Variants in SSH2 observed in about 807,000 individuals in gnomAD.
The protein encoded by SSH2 is protein phosphatase Slingshot homolog 2.
A neutral mutation model predicts 135.2 loss-of-function variants in SSH2; 37 were observed. That is an observed-to-expected ratio of 0.27 (90% CI 0.21 to 0.36). The LOEUF (loss-of-function observed/expected upper bound fraction) is 0.36. Among genes scored for constraint, SSH2 ranks in the 10% least tolerant of loss-of-function variants. The probability of loss-of-function intolerance (pLI) is 1.00; values close to 1 mark genes in which losing one functional copy is unlikely to be tolerated. For synonymous variants in SSH2, 628 were observed against 646.2 expected (o/e 0.97, Z 0.43); for missense variants, 1,408 against 1,765.3 (o/e 0.80, Z 3.63).
Position 29,632,574 on chromosome 17 carries a change from C to G in SSH2, c.2620G>C (p.Glu874Gln). 3 of 1,614,178 alleles carry G rather than the reference C, an allele frequency of 1.9e-6. No individual in the cohort carries two copies. Among genetic ancestry groups the G allele is most frequent in the Non-Finnish European group, 2.5e-6 (3 of 1,180,036 alleles). ...ATCCCTGAGCCCTGGAGCTCTTGTTCCCCCTCAGCTGGTTCCCCTTCTTCC... is the reference window on the plus strand; with the variant it reads ...ATCCCTGAGCCCTGGAGCTCTTGTTGCCCCTCAGCTGGTTCCCCTTCTTCC... ...DLEEGEPAEG[E>Q]QELQGSGMHP... The change falls in exon 16 of 16, where the codon GAA (glutamate) becomes CAA (glutamine). Residue 874 changes from glutamate to glutamine, a missense_variant. Physicochemically the swap from Glu to Gln is conservative, Grantham distance 29. This residue lies in a region of SSH2 where 1,080 missense variants were observed against 1,144.5 expected (regional missense o/e 0.94). Coordinates refer to ENST00000540801, the MANE Select transcript of SSH2 (RefSeq NM_001282129.2).
chr17:29,740,184 A>G (rs2040508111), intron 3 of SSH2, among the ~76,000 whole-genome samples: 1 of 152,212 alleles, frequency 6.6e-6, no homozygotes, highest in African/African-American at 2.4e-5. Context: ...CTTGCTATGT[A>G]AAACAGATGA....
At chr17:29,795,797 A>G (rs1293197017) in intron 2 of SSH2, among the ~76,000 whole-genome samples, 1 of 152,126 alleles carries the variant, frequency 6.6e-6, no homozygotes, top group African/African-American at 2.4e-5. Flanking sequence ...GCTGGAGTGC[A>G]GTGATGCGAT....
intron 1 of SSH2, among the ~76,000 whole-genome samples, chr17:29,858,415 T>C (rs774363564): frequency 2.6e-5 from 4 of 152,192 alleles, no homozygotes; most frequent in Non-Finnish European, 4.4e-5. Flanking sequence ...AAAATTCACA[T>C]GTTTAAGTTT....
chr17:29,655,417 T>C lies in SSH2; in HGVS notation c.1079+144A>G. On this transcript the variant is annotated intron_variant, in intron 12 of 15. Transcript: ENST00000540801. ...CGTGCCCGGCCCAGCTATTTTTATT[T>C]TTCTTAGATTACATCTGATTAGAAT... 7 of 826,338 alleles carry C rather than the reference T, an allele frequency of 8.5e-6. No homozygotes were observed. In the South Asian group the frequency reaches 1.1e-4, roughly 12 times the overall value. The allele number at this position is 826,338 out of a possible 1,614,324, so 51.2% of individuals were successfully genotyped here.
At chr17:29,681,330 T>TA (rs2037976953) in intron 6 of SSH2, among the ~76,000 whole-genome samples, 3 of 15,342 alleles carry the variant, frequency 2.0e-4, no homozygotes, top group Non-Finnish European at 2.9e-4. Context: ...TGAGACTGTC[T>TA]CAAAAAAAAA....
chr17:29,903,975 C>G (rs1396629074), intron 1 of SSH2, among the ~76,000 whole-genome samples: 3 of 151,844 alleles, frequency 2.0e-5, no homozygotes, highest in Admixed American at 6.6e-5. Flanking sequence ...CTGAATAGAC[C>G]AATAATGAGT....
At chr17:29,725,065 C>T (rs1383635789) in intron 3 of SSH2, among the ~76,000 whole-genome samples, 5 of 151,512 alleles carry the variant, frequency 3.3e-5, no homozygotes, top group Non-Finnish European at 5.9e-5. Context: ...GCCAGGGAAT[C>T]GGCCAGGCAC....
rs1567830015 is a variant in SSH2, at chr17:29,636,036, T to C, written c.2194A>G (p.Arg732Gly). The change falls in exon 15 of 16, where the codon AGA (arginine) becomes GGA (glycine). Residue 732 changes from arginine to glycine, a missense_variant. Arg to Gly is a moderately radical substitution (Grantham distance 125, BLOSUM62 -2). Transcript: ENST00000540801. ...GGAGTATTACTCAAAGAGCTGCTTC[T>C]CTGGTCATCAGCTGTCACTTTGGAA... Reference protein sequence around the residue: ...APSKVTADDQRSSSLSNTPHA... With the variant: ...APSKVTADDQGSSSLSNTPHA... 1 of 1,614,230 alleles carries C rather than the reference T, an allele frequency of 6.2e-7. No homozygotes were observed. Among genetic ancestry groups the C allele is most frequent in the Non-Finnish European group, 8.5e-7 (1 of 1,180,034 alleles).
intron 1 of SSH2, among the ~76,000 whole-genome samples, chr17:29,869,549 A>T (rs1317541113): frequency 1.3e-5 from 2 of 152,222 alleles, no homozygotes; most frequent in African/African-American, 4.8e-5. Context: ...GCCCTAACTA[A>T]CAAAAGCAAG....
intron 1 of SSH2, among the ~76,000 whole-genome samples, chr17:29,872,829 C>G (rs1358840134): frequency 6.6e-6 from 1 of 151,952 alleles, no homozygotes; most frequent in African/African-American, 2.4e-5. Flanking sequence ...AACCCCATCT[C>G]TACTAAAAAC....
chr17:29,909,165 GTTTAAGT>G (rs1307623196), intron 1 of SSH2, among the ~76,000 whole-genome samples: 1 of 152,110 alleles, frequency 6.6e-6, no homozygotes, highest in Non-Finnish European at 1.5e-5. Flanking sequence ...AATAGCTTGG[GTTTAAGT>G]TTTAACATGA....
At chr17:29,880,607 C>T (rs1322955615) in intron 1 of SSH2, among the ~76,000 whole-genome samples, 1 of 152,136 alleles carries the variant, frequency 6.6e-6, no homozygotes, top group Non-Finnish European at 1.5e-5. Flanking sequence ...TATATAGGCC[C>T]AATTCATATA....
intron 4 of SSH2, among the ~76,000 whole-genome samples, chr17:29,696,208 C>CACACCT (rs373379041): frequency 7.1e-6 from 1 of 140,802 alleles, no homozygotes; most frequent in African/African-American, 2.6e-5. Context: ...CACACACACA[C>CACACCT]ATATGTATAT....
chr17:29,861,091 A>AGATAT (rs2065757150), intron 1 of SSH2, among the ~76,000 whole-genome samples: 1 of 151,434 alleles, frequency 6.6e-6, no homozygotes. Context: ...TTTCTTGTAT[A>AGATAT]TCTGTTTAAG....
In SSH2 at chr17:29,791,076, T is replaced by TTTATTA. The variant is rs767692678; in HGVS notation, c.188+2812_188+2817dup. Among the ~76,000 whole-genome samples the TTTATTA allele has an allele frequency of 9.5e-4, 144 of 150,920 alleles. 2 individuals carry two copies. In the Middle Eastern group the frequency reaches 0.01, roughly 11 times the overall value. On this transcript the variant is annotated intron_variant, in intron 3 of 15. Transcript: ENST00000540801. ...GTCAATAAATGGCATTTGGTTAAGA[T>TTTATTA]TTATTATTATTATTATTATTAATTT...
At chr17:29,845,021 G>A (rs1268516448) in intron 2 of SSH2, among the ~76,000 whole-genome samples, 1 of 151,862 alleles carries the variant, frequency 6.6e-6, no homozygotes, top group Non-Finnish European at 1.5e-5. Context: ...TTTCTCTAAG[G>A]GCCCCTACTC....
chr17:29,741,610 CCTT>C (rs1250139389), intron 3 of SSH2, among the ~76,000 whole-genome samples: 3 of 104,510 alleles, frequency 2.9e-5, no homozygotes, highest in Admixed American at 8.8e-5. Flanking sequence ...CAATCCCCCT[CCTT>C]TTTTTTTTTT....
chr17:29,898,063 A>C (rs2056072479), intron 1 of SSH2, among the ~76,000 whole-genome samples: 1 of 152,202 alleles, frequency 6.6e-6, no homozygotes, highest in African/African-American at 2.4e-5. Flanking sequence ...AGAAATAAAG[A>C]TGTTCTTTGA....
At chr17:29,698,306 A>T (rs562629612) in intron 4 of SSH2, among the ~76,000 whole-genome samples, 1 of 152,290 alleles carries the variant, frequency 6.6e-6, no homozygotes, top group South Asian at 2.1e-4. Context: ...CTAAAAACCA[A>T]TGCATGTACA....
Sources: allele counts gnomAD v4.1 joint callset (sites outside exome capture counted in the v4.1 genomes callset), GRCh38; gene constraint gnomAD v4.1.1; regional missense constraint gnomAD v4.1.1; transcripts MANE v1.5; gene names NCBI Gene and HGNC (gene_info 2026-07-23, HGNC 2026-07-21).